Variants in SLC17A5 observed in about 807,000 individuals in gnomAD.
SLC17A5 encodes the protein sialin.
In SLC17A5, 47 loss-of-function variants were observed where a neutral mutation model predicts 59.4. The ratio of observed to expected loss-of-function variants is 0.79; its 90% CI spans 0.63 to 1.01. The LOEUF (loss-of-function observed/expected upper bound fraction) is 1.01, where lower values mean the gene tolerates loss of function less well. Among genes scored for constraint, SLC17A5 ranks in the 50% least tolerant of loss-of-function variants. The pLI is 0.00. For synonymous variants in SLC17A5, 202 were observed against 210.7 expected, an observed-to-expected ratio of 0.96 and a Z score of 0.36; for missense variants, 522 against 595.5, an observed-to-expected ratio of 0.88 and a Z score of 1.28.
chr6:73,627,951 C>T (rs151325943), intron 6 of SLC17A5, among the ~76,000 whole-genome samples: 3,493 of 145,320 alleles, frequency 0.024, 57 homozygotes, highest in Middle Eastern at 0.06. Flanking sequence ...GACAGGGTTT[C>T]GCTCTGTCGC....
rs12207204 is a variant in SLC17A5, at chr6:73,615,689, T to G, written c.979-242A>C. On this transcript the variant is annotated intron_variant, in intron 7 of 10. Coordinates refer to ENST00000355773, the MANE Select transcript of SLC17A5 (RefSeq NM_012434.5). ...TAAGCCTTGCCCTAGTCCTGTCTGC[T>G]TCGGGTAATCTTGACTGTTTCTCTG... is the stretch of plus-strand genomic sequence containing the variant. Among the ~76,000 whole-genome samples the G allele has an allele frequency of 0.057, 8,605 of 152,170 alleles. 446 individuals are homozygous for G. Among genetic ancestry groups the G allele is most frequent in the Admixed American group, 0.17 (2,532 of 15,246 alleles).
At chr6:73,627,946 G>A (rs1768515692) in intron 6 of SLC17A5, among the ~76,000 whole-genome samples, 1 of 144,192 alleles carries the variant, frequency 6.9e-6, no homozygotes, top group South Asian at 2.2e-4. Flanking sequence ...TTTGAGACAG[G>A]GTTTCGCTCT....
At chr6:73,647,215 T>C (rs1769622154) in intron 1 of SLC17A5, among the ~76,000 whole-genome samples, 1 of 152,222 alleles carries the variant, frequency 6.6e-6, no homozygotes, top group South Asian at 2.1e-4. Context: ...GCTTATCTGG[T>C]TGATGGTTTA....
chr6:73,598,810 C>T (rs1766933615), intron 10 of SLC17A5, among the ~76,000 whole-genome samples: 1 of 151,912 alleles, frequency 6.6e-6, no homozygotes, highest in Admixed American at 6.6e-5. Flanking sequence ...CATGGAGAAG[C>T]TCCGTCTCTA....
rs571894712 is a variant in SLC17A5 at position 73,618,652 on chromosome 6, A to G, written c.978+3152T>C. 1.5e-5 allele frequency: 5 copies of G among 343,734 alleles called. No individual in the cohort carries two copies. In the East Asian group the frequency reaches 3.5e-4, roughly 24 times the overall value. 21.3% of individuals were successfully genotyped at this position (343,734 alleles called of 1,614,324 possible). A position where few individuals can be genotyped will look rare whatever the true frequency, so the allele number is the denominator to read the frequency against. On this transcript the variant is annotated intron_variant, in intron 7 of 10. Transcript: ENST00000355773. The stretch of plus-strand genomic sequence containing the variant: ...CCATCTCTATAAACACATTTTAGAT[A>G]AAAGATTTAAAAAAATGAGAGATAT...
chr6:73,609,674 G>T (rs568415829), intron 9 of SLC17A5, among the ~76,000 whole-genome samples: 18 of 152,318 alleles, frequency 1.2e-4, no homozygotes, highest in Non-Finnish European at 2.4e-4. Context: ...TGGGTGAACA[G>T]ACACAGTAAT....
intron 7 of SLC17A5, among the ~76,000 whole-genome samples, chr6:73,616,753 C>T (rs935544883): frequency 5.3e-5 from 8 of 151,954 alleles, no homozygotes; most frequent in African/African-American, 1.9e-4. Flanking sequence ...CGATTGCAGG[C>T]GTGTGTCACC....
intron 9 of SLC17A5, among the ~76,000 whole-genome samples, chr6:73,601,112 G>C (rs554591988): frequency 1.3e-5 from 2 of 150,174 alleles, no homozygotes; most frequent in African/African-American, 4.9e-5. Flanking sequence ...GCCTCTTCCC[G>C]GCAGCCATCC....
At position 73,644,529 on chromosome 6, in the gene SLC17A5, G is replaced by A. The variant is rs754150739; in HGVS notation, c.169C>T (p.Arg57Cys). 3.1e-6 allele frequency: 5 copies of A among 1,613,992 alleles called. No homozygotes were observed. Among genetic ancestry groups the A allele is most frequent in the Admixed American group, 1.7e-5 (1 of 59,998 alleles). Residue 57 changes from arginine to cysteine, a missense_variant, in exon 2 of 11, where the codon CGT (arginine) becomes TGT (cysteine). Transcript: ENST00000355773. Reference sequence around the variant, plus strand: ...ACTAACGCAACACTCAGATTCACACGTAATGCATACACAATGAAGAAACCA... The same window carrying A: ...ACTAACGCAACACTCAGATTCACACATAATGCATACACAATGAAGAAACCA... ...FFGFFIVYALRVNLSVALVDM... is the reference protein window; with the variant it reads ...FFGFFIVYALCVNLSVALVDM...
At chr6:73,596,856 CAAAAA>C (rs2150072719) in intron 10 of SLC17A5, among the ~76,000 whole-genome samples, 1 of 87,034 alleles carries the variant, frequency 1.1e-5, no homozygotes, top group South Asian at 3.1e-4. Context: ...GACTCCCTCT[CAAAAA>C]CAAAACAAAA....
At chr6:73,625,249 C>T (rs186436712) in intron 6 of SLC17A5, among the ~76,000 whole-genome samples, 37 of 152,132 alleles carry the variant, frequency 2.4e-4, no homozygotes, top group Middle Eastern at 3.4e-3. Flanking sequence ...TGCAGTGGCG[C>T]GATCTTGGCT....
rs553797796 is a variant in SLC17A5 at position 73,610,349 on chromosome 6, T to A, written c.1259+51A>T. 1.5e-5 allele frequency: 24 copies of A among 1,605,448 alleles called. No individual in the cohort carries two copies. In the East Asian group the frequency reaches 2.0e-4, roughly 13 times the overall value. ...GCCTCTGGCCTTTTATCAGGATTTT[T>A]AAAAATATAATTTAAAGTCAATCAC... On this transcript the variant is annotated intron_variant, in intron 9 of 10. Coordinates refer to ENST00000355773, the MANE Select transcript of SLC17A5 (RefSeq NM_012434.5).
intron 9 of SLC17A5, among the ~76,000 whole-genome samples, chr6:73,604,148 T>G (rs1328158555): frequency 6.6e-6 from 1 of 152,076 alleles, no homozygotes; most frequent in African/African-American, 2.4e-5. Context: ...TTTTTTTTTC[T>G]TTTTAAACCA....
At chr6:73,645,681 G>A (rs1214552868) in intron 1 of SLC17A5, among the ~76,000 whole-genome samples, 2 of 151,752 alleles carry the variant, frequency 1.3e-5, no homozygotes, top group East Asian at 1.9e-4. Flanking sequence ...CCAGCTACTC[G>A]GGAGGCTGAG....
intron 9 of SLC17A5, among the ~76,000 whole-genome samples, chr6:73,601,240 G>A (rs1454672597): frequency 3.4e-5 from 5 of 147,272 alleles, no homozygotes; most frequent in Non-Finnish European, 7.5e-5. Flanking sequence ...CCCCGACCCC[G>A]TCTGGAAGGT....
At chr6:73,650,281 A>G (rs2150125199) in intron 1 of SLC17A5, among the ~76,000 whole-genome samples, 1 of 151,604 alleles carries the variant, frequency 6.6e-6, no homozygotes, top group African/African-American at 2.4e-5. Flanking sequence ...AGGCCGAGGC[A>G]GGTGGATCAC....
chr6:73,610,978 C>T (rs1767616295), intron 8 of SLC17A5, among the ~76,000 whole-genome samples: 1 of 152,190 alleles, frequency 6.6e-6, no homozygotes, highest in Non-Finnish European at 1.5e-5. Context: ...TGTGGCAGCT[C>T]ACACCTGTAA....
intron 9 of SLC17A5, among the ~76,000 whole-genome samples, chr6:73,609,762 C>T (rs1767563601): frequency 6.6e-6 from 1 of 152,190 alleles, no homozygotes. Context: ...AAAACAACTT[C>T]CTGCTTTAAT....
At chr6:73,636,333 G>A (rs1006026576) in intron 5 of SLC17A5, among the ~76,000 whole-genome samples, 3 of 150,524 alleles carry the variant, frequency 2.0e-5, no homozygotes, top group Non-Finnish European at 4.4e-5. Flanking sequence ...ATCCTACTTT[G>A]CTTGAGAAGA....
Sources: allele counts gnomAD v4.1 joint callset (sites outside exome capture counted in the v4.1 genomes callset), GRCh38; gene constraint gnomAD v4.1.1; transcripts MANE v1.5; gene names NCBI Gene and HGNC (gene_info 2026-07-23, HGNC 2026-07-21).